The following HTATIP2 variants were observed in gnomAD, a reference collection of about 807,000 sequenced individuals.
HTATIP2 encodes the protein protein HTATIP2.
HTATIP2 carries 26 observed loss-of-function variants against 24.7 expected under a neutral mutation model. The observed-to-expected ratio is 1.05, with a 90% CI of 0.77 to 1.46. The LOEUF is 1.46. Ranked by LOEUF, HTATIP2 falls within the 40% of genes most tolerant of loss-of-function variation. HTATIP2 has a pLI of 0.00. For synonymous variants in HTATIP2, 99 were observed against 113.2 expected (o/e 0.87, Z 0.79); for missense variants, 284 against 289.6 (o/e 0.98, Z 0.14).
Position 20,363,923 on chromosome 11 carries a change from C to T in HTATIP2, c.-315C>T. 1 of 1,242,216 alleles carries T rather than the reference C, an allele frequency of 8.1e-7. No individual in the cohort carries two copies. Among genetic ancestry groups the T allele is most frequent in the Non-Finnish European group, 1.0e-6 (1 of 989,622 alleles). The allele number at this position is 1,242,216 out of a possible 1,614,324, so 76.9% of individuals were successfully genotyped here. ...GGGGGCTGGCCCCAGGTAACCCCTC[C>T]GCGTATGGGACCGAGCTGGGCCAGG... On this transcript the variant is annotated 5_prime_UTR_variant, in exon 1 of 5. Transcript: ENST00000451739.
rs199846818 is a variant in HTATIP2 at position 20,364,233 on chromosome 11, C to T, written c.-5C>T. 156 of 1,593,440 alleles carry T rather than the reference C, an allele frequency of 9.8e-5. No homozygotes were observed. The highest frequency in any genetic ancestry group is 1.2e-4 in the Non-Finnish European group (143 of 1,165,788). On this transcript the variant is annotated 5_prime_UTR_variant, in exon 1 of 5. Transcript: ENST00000451739. ...ACCGGCATCTGTCGATGTTATTTCCCCAGCATGGCCGAAACAGAAGCCCTG... is the reference window on the plus strand; with the variant it reads ...ACCGGCATCTGTCGATGTTATTTCCTCAGCATGGCCGAAACAGAAGCCCTG...
intron 2 of HTATIP2, among the ~76,000 whole-genome samples, chr11:20,374,035 C>T (rs1848404777): frequency 6.6e-6 from 1 of 152,108 alleles, no homozygotes; most frequent in Non-Finnish European, 1.5e-5. Flanking sequence ...TTATATTACC[C>T]ACAAACTAAG....
At chr11:20,380,755 T>C (rs1331928659) in intron 3 of HTATIP2, among the ~76,000 whole-genome samples, 2 of 151,268 alleles carry the variant, frequency 1.3e-5, no homozygotes, top group Non-Finnish European at 2.9e-5. Flanking sequence ...TTATTTATAA[T>C]GGCCAAAGAG....
At chr11:20,371,501 C>T (rs181820366) in intron 2 of HTATIP2, among the ~76,000 whole-genome samples, 94 of 152,230 alleles carry the variant, frequency 6.2e-4, no homozygotes, top group African/African-American at 2.1e-3. Flanking sequence ...AGTGCGATTT[C>T]GGTCACTGCA....
chr11:20,364,222 A>G lies in HTATIP2; in HGVS notation c.-16A>G, dbSNP rs954472607. On this transcript the variant is annotated 5_prime_UTR_variant, in exon 1 of 5. The change abolishes an upstream ATG in the 5' untranslated region. Coordinates refer to ENST00000451739, the MANE Select transcript of HTATIP2 (RefSeq NM_001098522.2). The stretch of plus-strand genomic sequence containing the variant: ...GACACCCTAAGACCGGCATCTGTCG[A>G]TGTTATTTCCCCAGCATGGCCGAAA... 6.3e-7 allele frequency: 1 copy of G among 1,585,388 alleles called. No homozygotes were observed. Among genetic ancestry groups the G allele is most frequent in the Non-Finnish European group, 8.6e-7 (1 of 1,161,384 alleles).
chr11:20,381,061 T>C (rs902502182), intron 3 of HTATIP2, among the ~76,000 whole-genome samples: 2 of 152,174 alleles, frequency 1.3e-5, no homozygotes, highest in Non-Finnish European at 2.9e-5. Context: ...ATGGGATTTC[T>C]TTTCAGGGTG....
chr11:20,364,103 C>T lies in HTATIP2; in HGVS notation c.-135C>T. ...GAGCCGCGCCCCGCACGTGACTCAG[C>T]ACTTTCCCCAGAGCCCGGACTGCGG... On this transcript the variant is annotated 5_prime_UTR_variant, in exon 1 of 5. Coordinates refer to ENST00000451739, the MANE Select transcript of HTATIP2 (RefSeq NM_001098522.2). 7.0e-7 allele frequency: 1 copy of T among 1,428,074 alleles called. No homozygotes were observed. Among genetic ancestry groups the T allele is most frequent in the Non-Finnish European group, 9.2e-7 (1 of 1,089,880 alleles). The allele number at this position is 1,428,074 out of a possible 1,614,324, so 88.5% of individuals were successfully genotyped here.
intron 1 of HTATIP2, among the ~76,000 whole-genome samples, chr11:20,366,116 T>TTTTTTTTTTC: frequency 7.1e-6 from 1 of 140,218 alleles, no homozygotes; most frequent in Non-Finnish European, 1.6e-5. Context: ...TTTTTTTTTT[T>TTTTTTTTTTC]TTTGAGATGG....
At chr11:20,372,628 A>C (rs2064783487) in intron 2 of HTATIP2, among the ~76,000 whole-genome samples, 1 of 152,214 alleles carries the variant, frequency 6.6e-6, no homozygotes, top group African/African-American at 2.4e-5. Context: ...AGACAGAATG[A>C]CATGTGGACT....
At chr11:20,371,830 A>G (rs904335779) in intron 2 of HTATIP2, among the ~76,000 whole-genome samples, 64 of 152,166 alleles carry the variant, frequency 4.2e-4, no homozygotes, top group Non-Finnish European at 1.9e-4. Context: ...AATCCTCAGT[A>G]TCTGCTTGAT....
rs16906187 is a variant in HTATIP2, at chr11:20,379,736, G to A, written c.442-2442G>A. Among the ~76,000 whole-genome samples, 205 of 152,134 alleles carry A rather than the reference G, an allele frequency of 1.3e-3. 1 individual carries two copies. The highest frequency in any genetic ancestry group is 4.5e-3 in the African/African-American group (188 of 41,476). ...AGCTTTGGTTTCCTCATCTATTCAG[G>A]GTGAAGGTATACTTTCCAGACATGT... is the stretch of plus-strand genomic sequence containing the variant. On this transcript the variant is annotated intron_variant, in intron 3 of 4. Coordinates refer to ENST00000451739, the MANE Select transcript of HTATIP2 (RefSeq NM_001098522.2).
Position 20,364,280 on chromosome 11 carries a change from A to G in HTATIP2, c.43A>G (p.Arg15Gly), listed in dbSNP as rs749593203. ...EALSKLREDF[R>G]MQNKSVFILG... The stretch of plus-strand genomic sequence containing the variant: ...CCTGTCGAAGCTTCGGGAAGACTTC[A>G]GGATGCAGAATAAATCCGTCTTTAT... Residue 15 changes from arginine to glycine, a missense_variant, in exon 1 of 5, where the codon AGG becomes GGG. Coordinates refer to ENST00000451739, the MANE Select transcript of HTATIP2 (RefSeq NM_001098522.2). 2.0e-5 allele frequency: 33 copies of G among 1,612,820 alleles called. No individual in the cohort carries two copies. Among genetic ancestry groups the G allele is most frequent in the Non-Finnish European group, 2.5e-5 (30 of 1,179,094 alleles).
At chr11:20,367,906 A>G (rs1048654712) in intron 2 of HTATIP2, among the ~76,000 whole-genome samples, 2 of 152,196 alleles carry the variant, frequency 1.3e-5, no homozygotes, top group African/African-American at 4.8e-5. Flanking sequence ...TTTACTACAT[A>G]GTTAGAAATC....
At chr11:20,375,625 C>CT (rs1848432955) in intron 2 of HTATIP2, among the ~76,000 whole-genome samples, 1 of 152,184 alleles carries the variant, frequency 6.6e-6, no homozygotes, top group Admixed American at 6.5e-5. Context: ...TCCTACTACT[C>CT]TAAGACCTCA....
Position 20,383,698 on chromosome 11 carries a change from CTTT to C in HTATIP2, c.*494_*496del, listed in dbSNP as rs1848555486. The stretch of plus-strand genomic sequence containing the variant: ...AGTAAACATTGTGCCTTTACTACTT[CTTT>C]ATGTAATAGAAGTTATATACCTAAG... On this transcript the variant is annotated 3_prime_UTR_variant, in exon 5 of 5. Coordinates refer to ENST00000451739, the MANE Select transcript of HTATIP2 (RefSeq NM_001098522.2). 1 of 158,044 alleles carries C rather than the reference CTTT, an allele frequency of 6.3e-6. No homozygotes were observed. The highest frequency in any genetic ancestry group is 2.4e-5 in the African/African-American group (1 of 41,426). The allele number at this position is 158,044 out of a possible 1,614,324, so 9.8% of individuals were successfully genotyped here. A position where few individuals can be genotyped will look rare whatever the true frequency, so the allele number is the denominator to read the frequency against.
chr11:20,368,423 A>G (rs775565211), intron 2 of HTATIP2, among the ~76,000 whole-genome samples: 1 of 152,196 alleles, frequency 6.6e-6, no homozygotes, highest in Non-Finnish European at 1.5e-5. Context: ...AGTTCTGCCT[A>G]TCTGTCCTGG....
chr11:20,367,490 C>T, intron 2 of HTATIP2: 1 of 1,454,040 alleles, frequency 6.9e-7, no homozygotes, highest in Non-Finnish European at 9.0e-7. Context: ...AGTTCAGGCC[C>T]CAGTGCTGGA....
In HTATIP2 at chr11:20,364,458, T is replaced by A. The variant is rs1030738439; in HGVS notation, c.195+26T>A. 1.9e-6 allele frequency: 3 copies of A among 1,567,526 alleles called. No individual in the cohort carries two copies. The African/African-American group carries it at 4.1e-5, about 21-fold the overall frequency. ...GTGGGTATTTCAGCTGGGACTCAAA[T>A]GGACCCCCAGGATTCTGCGAGGTGA... On this transcript the variant is annotated intron_variant, in intron 1 of 4. Coordinates refer to ENST00000451739, the MANE Select transcript of HTATIP2 (RefSeq NM_001098522.2).
intron 3 of HTATIP2, among the ~76,000 whole-genome samples, chr11:20,378,335 G>A (rs1302110746): frequency 6.6e-6 from 1 of 151,868 alleles, no homozygotes; most frequent in Non-Finnish European, 1.5e-5. Context: ...TCAAAGTCTT[G>A]CTCTGTCACC....
Sources: allele counts gnomAD v4.1 joint callset (sites outside exome capture counted in the v4.1 genomes callset), GRCh38; gene constraint gnomAD v4.1.1; transcripts MANE v1.5; gene names NCBI Gene and HGNC (gene_info 2026-07-23, HGNC 2026-07-21).